The following SLX4IP variants were observed in gnomAD, a reference collection of about 807,000 sequenced individuals.
SLX4IP encodes protein SLX4IP.
A neutral mutation model predicts 32.9 loss-of-function variants in SLX4IP; 34 were observed. That is an observed-to-expected ratio of 1.03 (90% CI 0.79 to 1.38). SLX4IP has a LOEUF of 1.38. SLX4IP is among the 40% of genes most tolerant of loss of function. The pLI, the probability that SLX4IP is intolerant of heterozygous loss-of-function variation, is 0.00. For missense variants in SLX4IP, 444 were observed against 479.0 expected (o/e 0.93, Z 0.68); for synonymous variants, 172 against 171.7 (o/e 1.00, Z -0.01).
At chr20:10,563,232 T>A (rs1280884659) in intron 4 of SLX4IP, among the ~76,000 whole-genome samples, 1 of 152,228 alleles carries the variant, frequency 6.6e-6, no homozygotes, top group East Asian at 1.9e-4. Flanking sequence ...TTCAAATCCT[T>A]TGCACATTTT....
intron 2 of SLX4IP, among the ~76,000 whole-genome samples, chr20:10,465,204 C>T (rs1251397562): frequency 1.3e-5 from 2 of 152,164 alleles, no homozygotes; most frequent in African/African-American, 2.4e-5. Flanking sequence ...CCAAGCTTTG[C>T]ACCCACCCCA....
intron 1 of SLX4IP, among the ~76,000 whole-genome samples, chr20:10,443,195 C>T (rs566907036): frequency 5.3e-5 from 8 of 151,920 alleles, no homozygotes; most frequent in African/African-American, 1.7e-4. Context: ...AGTAAAGATA[C>T]GTTGGATAAA....
chr20:10,493,506 G>T (rs1292636245), intron 2 of SLX4IP, among the ~76,000 whole-genome samples: 5 of 152,012 alleles, frequency 3.3e-5, no homozygotes, highest in African/African-American at 1.2e-4. Flanking sequence ...AATATTTTAT[G>T]TATAGTCAAC....
At chr20:10,541,509 A>T (rs1012007001) in intron 2 of SLX4IP, among the ~76,000 whole-genome samples, 1 of 152,378 alleles carries the variant, frequency 6.6e-6, no homozygotes, top group Admixed American at 6.5e-5. Context: ...TAAGTTAATA[A>T]ATTAACTGCT....
chr20:10,494,673 A>T (rs1169235074), intron 2 of SLX4IP, among the ~76,000 whole-genome samples: 6 of 151,980 alleles, frequency 3.9e-5, no homozygotes, highest in Non-Finnish European at 8.8e-5. Flanking sequence ...TTTTCTGCTT[A>T]ATTTCTACTT....
At chr20:10,551,268 C>T (rs886124727) in intron 2 of SLX4IP, among the ~76,000 whole-genome samples, 5 of 152,142 alleles carry the variant, frequency 3.3e-5, no homozygotes, top group Admixed American at 6.5e-5. Flanking sequence ...TCTTGTATTC[C>T]CATTTCACGA....
chr20:10,481,859 T>C (rs2065524883), intron 2 of SLX4IP, among the ~76,000 whole-genome samples: 1 of 152,138 alleles, frequency 6.6e-6, no homozygotes, highest in Non-Finnish European at 1.5e-5. Flanking sequence ...ATTTCTAAGT[T>C]CACTCTTGGG....
At chr20:10,466,877 C>G (rs1475392614) in intron 2 of SLX4IP, among the ~76,000 whole-genome samples, 1 of 151,682 alleles carries the variant, frequency 6.6e-6, no homozygotes, top group Non-Finnish European at 1.5e-5. Flanking sequence ...GAACTCCCTG[C>G]ATCTTTACTA....
At chr20:10,547,665 C>T (rs994028245) in intron 2 of SLX4IP, among the ~76,000 whole-genome samples, 1 of 152,220 alleles carries the variant, frequency 6.6e-6, no homozygotes, top group Non-Finnish European at 1.5e-5. Context: ...ATACCTGGGG[C>T]AACCTTAGTT....
chr20:10,557,950 A>C (rs1242575407), intron 3 of SLX4IP, among the ~76,000 whole-genome samples: 1 of 152,210 alleles, frequency 6.6e-6, no homozygotes, highest in African/African-American at 2.4e-5. Context: ...GCAGTGCTGC[A>C]CTGGCAGCTG....
intron 2 of SLX4IP, among the ~76,000 whole-genome samples, chr20:10,482,825 A>G (rs946691482): frequency 6.6e-6 from 1 of 152,236 alleles, no homozygotes; most frequent in Admixed American, 6.5e-5. Flanking sequence ...ACTAAAACTC[A>G]TCAGACTGGA....
intron 4 of SLX4IP, among the ~76,000 whole-genome samples, chr20:10,569,020 C>T (rs943842540): frequency 6.6e-6 from 1 of 152,108 alleles, no homozygotes; most frequent in Admixed American, 6.6e-5. Context: ...GTTGATCCCA[C>T]GTGGAAGATT....
intron 4 of SLX4IP, among the ~76,000 whole-genome samples, chr20:10,575,638 C>A (rs1401967412): frequency 6.6e-6 from 1 of 151,432 alleles, no homozygotes; most frequent in African/African-American, 2.4e-5. Flanking sequence ...AACTGTTTAC[C>A]TTAGCATGTA....
chr20:10,541,458 G>C (rs2066105398), intron 2 of SLX4IP, among the ~76,000 whole-genome samples: 1 of 152,180 alleles, frequency 6.6e-6, no homozygotes, highest in Non-Finnish European at 1.5e-5. Context: ...GAAGTGTCTA[G>C]GCTGTCCAAT....
At chr20:10,587,461 G>A (rs988075381) in intron 4 of SLX4IP, among the ~76,000 whole-genome samples, 14 of 152,106 alleles carry the variant, frequency 9.2e-5, no homozygotes, top group Admixed American at 1.3e-4. Flanking sequence ...TACTGGAGGA[G>A]TTCCAGCCCA....
Position 10,518,541 on chromosome 20 carries a change from CCTT to C in SLX4IP, c.28-37688_28-37686del, listed in dbSNP as rs1568720498. Among the ~76,000 whole-genome samples the C allele has an allele frequency of 1.7e-3, 123 of 71,450 alleles. 3 individuals are homozygous for C. The highest frequency in any genetic ancestry group is 6.0e-3 in the African/African-American group (118 of 19,524). The allele number at this position is 71,450 out of a possible 152,430, so 46.9% of individuals were successfully genotyped here. A position where few individuals can be genotyped will look rare whatever the true frequency, so the allele number is the denominator to read the frequency against. ...TCCTTCCTTCCTTCCTTCCTTCCTT[CCTT>C]CCTTCCTTTCCTTCTTTCTTTCTTT... On this transcript the variant is annotated intron_variant, in intron 2 of 7. Transcript: ENST00000334534.
At chr20:10,491,312 T>A (rs1322416670) in intron 2 of SLX4IP, among the ~76,000 whole-genome samples, 1 of 152,190 alleles carries the variant, frequency 6.6e-6, no homozygotes, top group African/African-American at 2.4e-5. Flanking sequence ...TTTTCTCCTA[T>A]TTCTCCCTCA....
At chr20:10,518,726 TC>T (rs2065880618) in intron 2 of SLX4IP, among the ~76,000 whole-genome samples, 2 of 151,712 alleles carry the variant, frequency 1.3e-5, no homozygotes, top group Non-Finnish European at 2.9e-5. Flanking sequence ...AGTCACCACA[TC>T]TGGCTAATAT....
intron 2 of SLX4IP, among the ~76,000 whole-genome samples, chr20:10,475,737 A>G (rs2065470702): frequency 6.6e-6 from 1 of 152,232 alleles, no homozygotes; most frequent in African/African-American, 2.4e-5. Context: ...GAATTTGGGC[A>G]GATGTCCACT....
Sources: allele counts gnomAD v4.1 joint callset (sites outside exome capture counted in the v4.1 genomes callset), GRCh38; gene constraint gnomAD v4.1.1; transcripts MANE v1.5; gene names NCBI Gene and HGNC (gene_info 2026-07-23, HGNC 2026-07-21).